Variants in PAH observed in about 807,000 individuals in gnomAD.
PAH encodes phenylalanine-4-hydroxylase.
PAH carries 64 observed loss-of-function variants against 62.0 expected under a neutral mutation model. The ratio of observed to expected loss-of-function variants is 1.03; its 90% CI spans 0.84 to 1.27. The LOEUF (loss-of-function observed/expected upper bound fraction) is 1.27. Ranked by LOEUF, PAH falls within the 50% of genes most tolerant of loss-of-function variation. The pLI is 0.00. For synonymous variants in PAH, 195 were observed against 196.2 expected (o/e 0.99, Z 0.05); for missense variants, 579 against 542.8 (o/e 1.07, Z -0.66).
chr12:102,853,187 T>C, intron 6 of PAH: 1 of 551,534 alleles, frequency 1.8e-6, no homozygotes, highest in Non-Finnish European at 3.2e-6. Flanking sequence ...AGATACTTCT[T>C]AGAAATGTTC....
intron 3 of PAH, among the ~76,000 whole-genome samples, chr12:102,878,866 C>A (rs575773417): frequency 2.0e-5 from 3 of 151,968 alleles, no homozygotes; most frequent in African/African-American, 7.3e-5. Flanking sequence ...CCCTCTTGCG[C>A]GGGTAAGAAA....
chr12:102,909,556 A>C (rs556187369), intron 2 of PAH, among the ~76,000 whole-genome samples: 3 of 152,188 alleles, frequency 2.0e-5, no homozygotes, highest in Admixed American at 6.5e-5. Flanking sequence ...AAAAGTCACT[A>C]TAAAAACCCA....
intron 1 of PAH, among the ~76,000 whole-genome samples, chr12:102,916,144 A>AT (rs67729086): frequency 4.7e-5 from 7 of 150,038 alleles, no homozygotes; most frequent in East Asian, 2.0e-4. Flanking sequence ...TTCATAAGAA[A>AT]TTTTTTTTTT....
chr12:102,917,451 G>A (rs1878432720), upstream of PAH: 1 of 406,596 alleles, frequency 2.5e-6, no homozygotes, highest in Non-Finnish European at 4.7e-6. Flanking sequence ...AAGCCAGGGA[G>A]CGACGGGCCA....
intron 10 of PAH, 53 bp from the exon 11 acceptor site, chr12:102,843,832 C>T: frequency 1.3e-6 from 2 of 1,586,616 alleles, no homozygotes; most frequent in Non-Finnish European, 1.7e-6. Context: ...GATCAGTATT[C>T]CCTGCTGCAT....
rs149676069 is a variant in PAH, at chr12:102,883,444, C to T, written c.353-5894G>A. On this transcript the variant is annotated intron_variant, in intron 3 of 12. Coordinates refer to ENST00000553106, the MANE Select transcript of PAH (RefSeq NM_000277.3). ...TCTAGCTCTGGGTGACTTTTTCCTT[C>T]TCCAGAGGAAAATTCTTATCGGGCC... 2.2e-3 allele frequency among the ~76,000 whole-genome samples: 340 copies of T among 152,344 alleles called. 2 individuals carry two copies. Among genetic ancestry groups the T allele is most frequent in the African/African-American group, 7.6e-3 (314 of 41,582 alleles).
intron 8 of PAH, among the ~76,000 whole-genome samples, chr12:102,851,229 T>C (rs1281364242): frequency 2.6e-5 from 4 of 152,202 alleles, no homozygotes; most frequent in Non-Finnish European, 4.4e-5. Context: ...TTTTTTTCTT[T>C]GTTAACTCTA....
intron 1 of PAH, among the ~76,000 whole-genome samples, chr12:102,946,316 C>A (rs1879491502): frequency 6.6e-6 from 1 of 152,256 alleles, no homozygotes; most frequent in African/African-American, 2.4e-5. Context: ...CTGAGCCCAG[C>A]ATAGCGTCAG....
intron 1 of PAH, among the ~76,000 whole-genome samples, chr12:102,932,929 G>A (rs1878939599): frequency 6.6e-6 from 1 of 152,174 alleles, no homozygotes; most frequent in Admixed American, 6.5e-5. Context: ...TTATACTCAT[G>A]GAAAATAGGG....
chr12:102,903,693 T>G (rs1445363143), intron 2 of PAH, among the ~76,000 whole-genome samples: 1 of 152,198 alleles, frequency 6.6e-6, no homozygotes, highest in Non-Finnish European at 1.5e-5. Context: ...TGAAGCAGTT[T>G]TTGTCTCTAA....
chr12:102,875,272 G>A (rs1247088869), intron 4 of PAH, among the ~76,000 whole-genome samples: 1 of 152,186 alleles, frequency 6.6e-6, no homozygotes, highest in African/African-American at 2.4e-5. Flanking sequence ...GAGTTTTAAA[G>A]CCAGTGCCAG....
At chr12:102,921,901 T>C (rs1878559272), upstream of PAH, among the ~76,000 whole-genome samples, 1 of 152,198 alleles carries the variant, frequency 6.6e-6, no homozygotes, top group Admixed American at 6.5e-5. Flanking sequence ...TGCTGTATTT[T>C]TATTTTTTTG....
Position 102,837,670 on chromosome 12 carries a change from T to C in PAH, c.*1505A>G, listed in dbSNP as rs1028652237. 1.3e-5 allele frequency: 2 copies of C among 152,192 alleles called. No individual in the cohort carries two copies. The highest frequency in any genetic ancestry group is 2.9e-5 in the Non-Finnish European group (2 of 68,030). The allele number at this position is 152,192 out of a possible 1,614,324, so 9.4% of individuals were successfully genotyped here. ...GCTATATAAAGACACATATGAACAC[T>C]TGAATCATATTTCAAGGCTGCAATG... is the stretch of plus-strand genomic sequence containing the variant. On this transcript the variant is annotated 3_prime_UTR_variant, in exon 13 of 13. Coordinates refer to ENST00000553106, the MANE Select transcript of PAH (RefSeq NM_000277.3).
At chr12:102,888,680 C>A (rs1201934845) in intron 3 of PAH, among the ~76,000 whole-genome samples, 2 of 151,646 alleles carry the variant, frequency 1.3e-5, no homozygotes, top group African/African-American at 4.9e-5. Context: ...GTTGGTGTCA[C>A]CTCCCCCTGA....
intron 6 of PAH, chr12:102,853,259 A>C: frequency 2.6e-6 from 1 of 378,384 alleles, no homozygotes; most frequent in Non-Finnish European, 5.0e-6. Flanking sequence ...CATTGGAAAC[A>C]TGCAATAAAT....
intron 5 of PAH, among the ~76,000 whole-genome samples, chr12:102,860,647 T>C (rs1280923532): frequency 6.6e-6 from 1 of 152,118 alleles, no homozygotes; most frequent in Non-Finnish European, 1.5e-5. Context: ...TATACACCAA[T>C]GGAACAAAAC....
intron 2 of PAH, among the ~76,000 whole-genome samples, chr12:102,898,092 C>G (rs1877587881): frequency 6.6e-6 from 1 of 152,240 alleles, no homozygotes; most frequent in Admixed American, 6.5e-5. Flanking sequence ...AGTCATCAGT[C>G]AGTGTTTTCC....
At chr12:102,905,825 TAA>T (rs749063955) in intron 2 of PAH, among the ~76,000 whole-genome samples, 25 of 134,780 alleles carry the variant, frequency 1.9e-4, no homozygotes, top group Admixed American at 2.3e-4. Flanking sequence ...CAGTGGAATT[TAA>T]AAAAAAAAAA....
At chr12:102,898,243 T>C (rs909549959) in intron 2 of PAH, among the ~76,000 whole-genome samples, 2 of 120,848 alleles carry the variant, frequency 1.7e-5, no homozygotes, top group African/African-American at 8.6e-5. Context: ...TGTCTTTAGA[T>C]GGGATATTTT....
Sources: allele counts gnomAD v4.1 joint callset (sites outside exome capture counted in the v4.1 genomes callset), GRCh38; gene constraint gnomAD v4.1.1; transcripts MANE v1.5; gene names NCBI Gene and HGNC (gene_info 2026-07-23, HGNC 2026-07-21).